Variants in LTBP1 observed in about 807,000 individuals in gnomAD.
The protein encoded by LTBP1 is latent-transforming growth factor beta-binding protein 1.
LTBP1 carries 129 observed loss-of-function variants against 207.6 expected under a neutral mutation model. That is an observed-to-expected ratio of 0.62 (90% CI 0.54 to 0.72). LTBP1 has a LOEUF of 0.72. LTBP1 is among the 30% of genes least tolerant of loss of function. The pLI is 0.00. For synonymous variants in LTBP1, 963 were observed against 833.7 expected (o/e 1.16, Z -2.67); for missense variants, 2,281 against 2,217.2 (o/e 1.03, Z -0.58).
intron 2 of LTBP1, among the ~76,000 whole-genome samples, chr2:32,950,945 T>A (rs949772845): frequency 1.3e-5 from 2 of 152,234 alleles, no homozygotes; most frequent in African/African-American, 4.8e-5. Context: ...AATCTCTTCA[T>A]GGCTTCCTGC....
At chr2:33,372,806 G>T (rs1292268978) in intron 31 of LTBP1, among the ~76,000 whole-genome samples, 1 of 152,196 alleles carries the variant, frequency 6.6e-6, no homozygotes, top group Non-Finnish European at 1.5e-5. Flanking sequence ...GGAGGTTGCA[G>T]TGAGCGAAGA....
intron 5 of LTBP1, among the ~76,000 whole-genome samples, chr2:33,145,957 G>A (rs1380254303): frequency 2.0e-5 from 3 of 152,156 alleles, no homozygotes; most frequent in Non-Finnish European, 4.4e-5. Context: ...TTTCCCTTCT[G>A]TCAAAGTCTA....
intron 24 of LTBP1, among the ~76,000 whole-genome samples, chr2:33,332,372 CAAAAAAAAAAAAAAA>C (rs745342264): frequency 3.8e-5 from 2 of 52,480 alleles, no homozygotes; most frequent in Non-Finnish European, 6.5e-5. Flanking sequence ...ACACCATCTC[CAAAAAAAAAAAAAAA>C]AAAAAAAAAA....
At chr2:33,376,336 A>G (rs1396854160) in intron 31 of LTBP1, among the ~76,000 whole-genome samples, 2 of 152,228 alleles carry the variant, frequency 1.3e-5, no homozygotes, top group Non-Finnish European at 2.9e-5. Flanking sequence ...TACAATAACA[A>G]GAAAAAGCCC....
At chr2:33,179,346 G>A (rs961323400) in intron 5 of LTBP1, among the ~76,000 whole-genome samples, 4 of 151,968 alleles carry the variant, frequency 2.6e-5, no homozygotes, top group African/African-American at 7.3e-5. Context: ...ATGAATATTC[G>A]TGAAGTCTTT....
At chr2:33,083,225 G>C (rs369188958) in intron 3 of LTBP1, among the ~76,000 whole-genome samples, 25 of 152,002 alleles carry the variant, frequency 1.6e-4, no homozygotes, top group African/African-American at 6.0e-4. Context: ...ATCATTTGTA[G>C]GCTAGTTCTG....
intron 3 of LTBP1, among the ~76,000 whole-genome samples, chr2:33,096,028 GCTCAGTAAAC>G (rs2079366436): frequency 6.6e-6 from 1 of 152,034 alleles, no homozygotes; most frequent in African/African-American, 2.4e-5. Flanking sequence ...GATCAAAGAA[GCTCAGTAAAC>G]CCCAGGCAAG....
At chr2:32,957,478 C>T (rs187153223) in intron 2 of LTBP1, among the ~76,000 whole-genome samples, 3 of 152,224 alleles carry the variant, frequency 2.0e-5, no homozygotes, top group African/African-American at 7.2e-5. Context: ...GATGAGGGAA[C>T]GGCTGGTCGG....
intron 25 of LTBP1, among the ~76,000 whole-genome samples, chr2:33,344,746 A>G (rs1439231922): frequency 1.3e-5 from 2 of 152,206 alleles, no homozygotes; most frequent in Admixed American, 6.5e-5. Context: ...TATGACCTCT[A>G]TATGATTGAA....
chr2:33,190,749 A>G (rs1316185933), intron 7 of LTBP1, among the ~76,000 whole-genome samples: 1 of 152,158 alleles, frequency 6.6e-6, no homozygotes, highest in Non-Finnish European at 1.5e-5. Flanking sequence ...ATCTACTATG[A>G]CTGTTTTTAT....
At chr2:33,177,387 C>T (rs2086172643) in intron 5 of LTBP1, among the ~76,000 whole-genome samples, 1 of 152,202 alleles carries the variant, frequency 6.6e-6, no homozygotes, top group Non-Finnish European at 1.5e-5. Flanking sequence ...TGGTGGCTCA[C>T]ACCTGTAATC....
At chr2:33,220,087 A>G (rs1181209191) in intron 8 of LTBP1, among the ~76,000 whole-genome samples, 1 of 152,216 alleles carries the variant, frequency 6.6e-6, no homozygotes, top group Non-Finnish European at 1.5e-5. Flanking sequence ...AAAATTGAAG[A>G]GACTGCCTTC....
chr2:33,157,027 A>G (rs947343928), intron 5 of LTBP1, among the ~76,000 whole-genome samples: 1 of 152,222 alleles, frequency 6.6e-6, no homozygotes, highest in Non-Finnish European at 1.5e-5. Flanking sequence ...CTTGGCCATT[A>G]CATTGGTGAC....
intron 3 of LTBP1, among the ~76,000 whole-genome samples, chr2:33,105,211 A>T (rs2079989672): frequency 6.6e-6 from 1 of 152,206 alleles, no homozygotes; most frequent in African/African-American, 2.4e-5. Context: ...CAAGAAAGTG[A>T]GTATCCCAGT....
At chr2:33,301,743 T>C (rs2093992289) in intron 22 of LTBP1, 99 bp downstream of exon 22, 2 of 1,139,448 alleles carry the variant, frequency 1.8e-6, no homozygotes, top group East Asian at 2.7e-5. Context: ...TCTCTTGATT[T>C]CATAGTGAAG....
chr2:33,093,885 T>G (rs2079242226), intron 3 of LTBP1, among the ~76,000 whole-genome samples: 1 of 152,160 alleles, frequency 6.6e-6, no homozygotes, highest in African/African-American at 2.4e-5. Context: ...CAATATATTT[T>G]AGAAATGTGG....
chr2:33,002,461 A>G (rs1036103627), intron 2 of LTBP1, among the ~76,000 whole-genome samples: 1 of 152,192 alleles, frequency 6.6e-6, no homozygotes, highest in African/African-American at 2.4e-5. Context: ...GAGTGTGAGC[A>G]CAGATGCTGC....
intron 2 of LTBP1, among the ~76,000 whole-genome samples, chr2:32,957,587 A>C (rs558631902): frequency 1.3e-5 from 2 of 152,328 alleles, no homozygotes; most frequent in Non-Finnish European, 2.9e-5. Context: ...TGGTAACATG[A>C]AAGATCACCG....
intron 2 of LTBP1, among the ~76,000 whole-genome samples, chr2:32,993,758 C>G (rs553457134): frequency 7.9e-5 from 12 of 152,306 alleles, no homozygotes; most frequent in Non-Finnish European, 1.3e-4. Context: ...CAGGGATCAC[C>G]TGGCCTGACC....
Sources: gnomAD v4.1 joint callset for allele counts (sites outside exome capture counted in the v4.1 genomes callset) on GRCh38, gnomAD v4.1.1 for gene constraint, MANE v1.5 for transcripts, NCBI Gene and HGNC (gene_info 2026-07-23, HGNC 2026-07-21) for gene names.